Variants in CSTPP1 observed in about 807,000 individuals in gnomAD.
CSTPP1 encodes centriolar satellite-associated tubulin polyglutamylase complex regulator 1.
chr11:47,152,387 G>A, the CSTPP1 span, among the ~76,000 whole-genome samples: 3 of 152,202 alleles, frequency 2.0e-5, no homozygotes, highest in African/African-American at 7.2e-5. Flanking sequence ...GATGTTTGAG[G>A]TCAAGATGGC....
chr11:47,113,606 A>T, the CSTPP1 span, among the ~76,000 whole-genome samples: 6 of 152,188 alleles, frequency 3.9e-5, no homozygotes, highest in Non-Finnish European at 8.8e-5. Flanking sequence ...ACCAGTGATG[A>T]TGAGCATTTT....
At chr11:46,993,906 T>C in the CSTPP1 span, among the ~76,000 whole-genome samples, 1 of 152,222 alleles carries the variant, frequency 6.6e-6, no homozygotes, top group Non-Finnish European at 1.5e-5. Context: ...TTCCCATCCA[T>C]GAGCATGGAA....
the CSTPP1 span, among the ~76,000 whole-genome samples, chr11:47,059,834 G>T: frequency 1.3e-5 from 2 of 152,162 alleles, no homozygotes; most frequent in Non-Finnish European, 2.9e-5. Flanking sequence ...GCTGGGCGCG[G>T]TGACTCATGC....
At chr11:47,130,255 C>CAA in the CSTPP1 span, among the ~76,000 whole-genome samples, 3 of 110,228 alleles carry the variant, frequency 2.7e-5, no homozygotes, top group African/African-American at 6.7e-5. Context: ...GACTCTGTCT[C>CAA]AAAAAAAAAA....
chr11:47,122,091 A>ATATATATATATATATAT, the CSTPP1 span, among the ~76,000 whole-genome samples: 11 of 31,836 alleles, frequency 3.5e-4, no homozygotes, highest in East Asian at 1.4e-3. Context: ...AAAAAAAAAA[A>ATATATATATATATATAT]ATATATATAT....
At chr11:47,161,297 T>C in the CSTPP1 span, 1 of 1,601,326 alleles carries the variant, frequency 6.2e-7, no homozygotes, top group Non-Finnish European at 8.5e-7. Context: ...ATCCCACATC[T>C]GCCAGGGAAG....
the CSTPP1 span, among the ~76,000 whole-genome samples, chr11:46,993,336 T>C: frequency 1.3e-5 from 2 of 152,064 alleles, no homozygotes; most frequent in Non-Finnish European, 2.9e-5. Flanking sequence ...TGAATGGTAT[T>C]GCCTAGGTTT....
the CSTPP1 span, chr11:47,157,714 C>A: frequency 8.4e-7 from 1 of 1,183,562 alleles, no homozygotes; most frequent in Non-Finnish European, 1.2e-6. Flanking sequence ...AAGGCAGGTC[C>A]CTGGCTTGGC....
At chr11:46,979,119 A>G in the CSTPP1 span, among the ~76,000 whole-genome samples, 1 of 152,100 alleles carries the variant, frequency 6.6e-6, no homozygotes, top group Non-Finnish European at 1.5e-5. Context: ...CCCAAAGGCT[A>G]TACTTTTTCT....
At chr11:47,002,890 G>A in the CSTPP1 span, among the ~76,000 whole-genome samples, 1 of 152,072 alleles carries the variant, frequency 6.6e-6, no homozygotes, top group Non-Finnish European at 1.5e-5. Flanking sequence ...TTTGGTCCAA[G>A]CCCTGATATT....
the CSTPP1 span, among the ~76,000 whole-genome samples, chr11:47,163,173 TAAAAAAAA>T: frequency 9.2e-6 from 1 of 108,236 alleles, no homozygotes; most frequent in Non-Finnish European, 1.9e-5. Flanking sequence ...GAGACCATCT[TAAAAAAAA>T]AAAAAAAAAA....
the CSTPP1 span, among the ~76,000 whole-genome samples, chr11:47,022,360 T>TGTCC: frequency 7.7e-5 from 1 of 12,912 alleles, no homozygotes; most frequent in African/African-American, 4.2e-4. Context: ...CATATGTCCT[T>TGTCC]TTTTTTTTTT....
the CSTPP1 span, among the ~76,000 whole-genome samples, chr11:46,982,212 C>G: frequency 1.3e-5 from 2 of 151,600 alleles, no homozygotes; most frequent in South Asian, 4.2e-4. Flanking sequence ...GCCTCATAGA[C>G]CAAAATATGT....
chr11:47,161,977 A>C, the CSTPP1 span: 5 of 1,052,894 alleles, frequency 4.7e-6, no homozygotes, highest in Non-Finnish European at 3.4e-6. Context: ...GGGTCCCCCA[A>C]TAAGGTTCAT....
the CSTPP1 span, among the ~76,000 whole-genome samples, chr11:47,057,858 A>G: frequency 6.6e-6 from 1 of 152,248 alleles, no homozygotes; most frequent in African/African-American, 2.4e-5. Context: ...GCCATAGGGA[A>G]GAGACCTCAA....
the CSTPP1 span, among the ~76,000 whole-genome samples, chr11:47,123,739 G>A: frequency 2.0e-5 from 3 of 152,168 alleles, no homozygotes; most frequent in Non-Finnish European, 2.9e-5. Context: ...CGTGGCTCAC[G>A]CCCGTAATCC....
chr11:46,946,404 A>G, the CSTPP1 span, among the ~76,000 whole-genome samples: 1 of 152,260 alleles, frequency 6.6e-6, no homozygotes, highest in Non-Finnish European at 1.5e-5. Context: ...AACGCCTGTA[A>G]TCCCAGCACT....
the CSTPP1 span, among the ~76,000 whole-genome samples, chr11:47,102,967 A>G: frequency 7.2e-6 from 1 of 138,724 alleles, no homozygotes; most frequent in African/African-American, 2.7e-5. Context: ...AAGGGTAGGA[A>G]TGATCTTCAA....
chr11:47,024,209 G>A, the CSTPP1 span, among the ~76,000 whole-genome samples: 1 of 151,786 alleles, frequency 6.6e-6, no homozygotes, highest in Non-Finnish European at 1.5e-5. Context: ...ACAGGTGTGT[G>A]CCATCACACC....
Sources: allele counts gnomAD v4.1 joint callset (sites outside exome capture counted in the v4.1 genomes callset), GRCh38; gene constraint gnomAD v4.1.1; transcripts MANE v1.5; gene names NCBI Gene and HGNC (gene_info 2026-07-23, HGNC 2026-07-21).